Variants in IMMP2L observed in about 807,000 individuals in gnomAD.
IMMP2L encodes the protein mitochondrial inner membrane protease subunit 2.
IMMP2L carries 18 observed loss-of-function variants against 19.3 expected under a neutral mutation model. The observed-to-expected ratio is 0.93, with a 90% confidence interval of 0.64 to 1.38. The LOEUF is 1.38. Among genes scored for constraint, IMMP2L ranks in the 40% most tolerant of loss-of-function variants. The pLI is 0.00. For missense variants in IMMP2L, 233 were observed against 218.2 expected (o/e 1.07, Z -0.43); for synonymous variants, 76 against 73.0 (o/e 1.04, Z -0.21).
At chr7:111,237,347 C>T (rs1337240965) in intron 3 of IMMP2L, among the ~76,000 whole-genome samples, 3 of 151,884 alleles carry the variant, frequency 2.0e-5, no homozygotes, top group Non-Finnish European at 4.4e-5. Flanking sequence ...TGTATTGTGT[C>T]CTGTTTTGAT....
intron 1 of IMMP2L, among the ~76,000 whole-genome samples, chr7:111,542,620 C>T (rs544614318): frequency 1.2e-4 from 18 of 152,170 alleles, no homozygotes; most frequent in Non-Finnish European, 2.2e-4. Context: ...ACACAGGGCA[C>T]GATGAGTTAT....
intron 4 of IMMP2L, among the ~76,000 whole-genome samples, chr7:110,936,257 C>A (rs916952695): frequency 3.9e-5 from 6 of 152,132 alleles, no homozygotes; most frequent in African/African-American, 1.4e-4. Flanking sequence ...TCAGAGTGAA[C>A]AGGCAACCTA....
At chr7:111,402,997 C>CT (rs1833580953) in intron 3 of IMMP2L, among the ~76,000 whole-genome samples, 1 of 96,458 alleles carries the variant, frequency 1.0e-5, no homozygotes, top group Non-Finnish European at 2.1e-5. Flanking sequence ...CTTGACCCCC[C>CT]CCCCCCACCC....
intron 5 of IMMP2L, among the ~76,000 whole-genome samples, chr7:110,883,092 C>A (rs551593451): frequency 2.6e-5 from 4 of 152,040 alleles, no homozygotes; most frequent in Admixed American, 1.3e-4. Flanking sequence ...CATTTTTTTG[C>A]GCTTTATAAA....
intron 3 of IMMP2L, among the ~76,000 whole-genome samples, chr7:111,268,567 C>CTTT (rs1562987595): frequency 3.2e-5 from 2 of 63,344 alleles, no homozygotes; most frequent in East Asian, 4.5e-4. Context: ...CTTCACATTT[C>CTTT]TCTTTTTTTT....
chr7:110,951,037 T>C (rs115626971), intron 4 of IMMP2L, among the ~76,000 whole-genome samples: 5,239 of 151,382 alleles, frequency 0.035, 118 homozygotes, highest in South Asian at 0.057. Flanking sequence ...GGACAAACAC[T>C]GCATGATCCC....
chr7:110,739,881 A>G (rs1221539197), intron 5 of IMMP2L, among the ~76,000 whole-genome samples: 1 of 152,152 alleles, frequency 6.6e-6, no homozygotes, highest in African/African-American at 2.4e-5. Flanking sequence ...CCACAGTGGA[A>G]TAACATTGGA....
intron 3 of IMMP2L, among the ~76,000 whole-genome samples, chr7:111,373,141 A>G (rs1030646486): frequency 3.3e-5 from 5 of 151,786 alleles, no homozygotes; most frequent in Admixed American, 3.3e-4. Context: ...AACTGTAGAG[A>G]GAAAGAGATC....
chr7:111,064,591 A>G (rs1794319197), intron 3 of IMMP2L, among the ~76,000 whole-genome samples: 1 of 152,104 alleles, frequency 6.6e-6, no homozygotes, highest in South Asian at 2.1e-4. Context: ...TCCAATAGCA[A>G]AATTTTTGCT....
intron 5 of IMMP2L, among the ~76,000 whole-genome samples, chr7:110,842,761 A>G (rs1175916496): frequency 6.6e-6 from 1 of 152,154 alleles, no homozygotes; most frequent in Admixed American, 6.6e-5. Flanking sequence ...TTTTCTTAGG[A>G]ATCTTTTTTT....
At chr7:111,048,815 C>A (rs1039351234) in intron 3 of IMMP2L, among the ~76,000 whole-genome samples, 5 of 152,114 alleles carry the variant, frequency 3.3e-5, no homozygotes, top group Non-Finnish European at 7.3e-5. Flanking sequence ...AAATAACTTA[C>A]ATTTCCTGAG....
Position 111,124,130 on chromosome 7 carries a change from A to T in IMMP2L, c.240-160565T>A, listed in dbSNP as rs1217492638. On this transcript the variant is annotated intron_variant, in intron 3 of 5. Coordinates refer to ENST00000405709, the MANE Select transcript of IMMP2L (RefSeq NM_032549.4). Reference sequence around the variant, plus strand: ...AGAGCTACTGCAGAACCACAGCCTGAAATCTACTGGATAACACCTTCTGGT... The same window carrying T: ...AGAGCTACTGCAGAACCACAGCCTGTAATCTACTGGATAACACCTTCTGGT... 4.3e-6 allele frequency: 7 copies of T among 1,613,914 alleles called. No homozygotes were observed. The highest frequency in any genetic ancestry group is 5.9e-6 in the Non-Finnish European group (7 of 1,179,990).
At chr7:110,854,731 C>A (rs1325671606) in intron 5 of IMMP2L, among the ~76,000 whole-genome samples, 1 of 151,802 alleles carries the variant, frequency 6.6e-6, no homozygotes, top group Non-Finnish European at 1.5e-5. Flanking sequence ...AATAATCAGA[C>A]CTCAAATCAG....
chr7:111,145,557 A>G (rs180863193), intron 3 of IMMP2L, among the ~76,000 whole-genome samples: 1 of 152,244 alleles, frequency 6.6e-6, no homozygotes, highest in African/African-American at 2.4e-5. Flanking sequence ...AAAATCAACA[A>G]TTTGTTCCAA....
chr7:111,437,710 A>G (rs1441459496), intron 3 of IMMP2L, among the ~76,000 whole-genome samples: 1 of 151,794 alleles, frequency 6.6e-6, no homozygotes, highest in Admixed American at 6.6e-5. Context: ...TATCTGATAT[A>G]TTCCTATCTT....
At chr7:110,881,507 G>A (rs925857488) in intron 5 of IMMP2L, among the ~76,000 whole-genome samples, 7 of 151,996 alleles carry the variant, frequency 4.6e-5, no homozygotes, top group African/African-American at 1.7e-4. Context: ...TAAAGAATAA[G>A]CATGTACTAC....
chr7:111,225,263 A>G (rs1812956711), intron 3 of IMMP2L, among the ~76,000 whole-genome samples: 2 of 152,164 alleles, frequency 1.3e-5, no homozygotes, highest in Admixed American at 6.6e-5. Context: ...TGAAAAACTT[A>G]CATCTGTCAC....
chr7:111,513,440 A>G (rs1398563860), intron 2 of IMMP2L, among the ~76,000 whole-genome samples: 1 of 152,166 alleles, frequency 6.6e-6, no homozygotes, highest in African/African-American at 2.4e-5. Flanking sequence ...GAAGGCTATT[A>G]TCAGAAATTC....
chr7:111,288,356 C>A (rs963038810), intron 3 of IMMP2L, among the ~76,000 whole-genome samples: 6 of 152,100 alleles, frequency 3.9e-5, no homozygotes, highest in African/African-American at 1.4e-4. Flanking sequence ...CTAGGCAATG[C>A]CATTCAGGAC....
Sources: gnomAD v4.1 joint callset for allele counts (sites outside exome capture counted in the v4.1 genomes callset) on GRCh38, gnomAD v4.1.1 for gene constraint, MANE v1.5 for transcripts, NCBI Gene and HGNC (gene_info 2026-07-23, HGNC 2026-07-21) for gene names.